Variants in LRBA observed in about 807,000 individuals in gnomAD.
LRBA encodes the protein LPS responsive beige-like anchor protein.
In LRBA, 176 loss-of-function variants were observed where a neutral mutation model predicts 330.0. The ratio of observed to expected loss-of-function variants is 0.53; its 90% CI spans 0.47 to 0.60. The LOEUF is 0.60. Ranked by LOEUF, LRBA falls within the 20% of genes least tolerant of loss-of-function variation. The pLI, the probability that LRBA is intolerant of heterozygous loss-of-function variation, is 0.00. For missense variants in LRBA, 3,259 were observed against 3,444.8 expected, an observed-to-expected ratio of 0.95 and a Z score of 1.35; for synonymous variants, 1,230 against 1,193.0, an observed-to-expected ratio of 1.03 and a Z score of -0.64.
At chr4:151,010,047 G>A (rs1243717690) in intron 2 of LRBA, among the ~76,000 whole-genome samples, 1 of 151,870 alleles carries the variant, frequency 6.6e-6, no homozygotes, top group African/African-American at 2.4e-5. Context: ...GTATACGGAA[G>A]ATACATGTAA....
At chr4:150,893,252 A>C in intron 16 of LRBA, 103 bp from the exon 17 acceptor site, 1 of 644,288 alleles carries the variant, frequency 1.6e-6, no homozygotes, top group East Asian at 2.7e-5. Context: ...AAATATAAGT[A>C]GACATATGTG....
intron 2 of LRBA, among the ~76,000 whole-genome samples, chr4:151,003,307 G>A (rs936256955): frequency 6.6e-6 from 1 of 150,592 alleles, no homozygotes; most frequent in East Asian, 2.0e-4. Context: ...TGAGGCAGAA[G>A]GATCGCTTGA....
At chr4:150,295,105 A>G (rs1211679709) in intron 53 of LRBA, among the ~76,000 whole-genome samples, 1 of 152,066 alleles carries the variant, frequency 6.6e-6, no homozygotes, top group Non-Finnish European at 1.5e-5. Context: ...AAATTCTGAT[A>G]CAACTACTAA....
At chr4:150,997,391 A>G (rs1742778366) in intron 2 of LRBA, among the ~76,000 whole-genome samples, 1 of 152,196 alleles carries the variant, frequency 6.6e-6, no homozygotes, top group African/African-American at 2.4e-5. Context: ...CATTTGACTC[A>G]CTCAAACTAT....
intron 2 of LRBA, among the ~76,000 whole-genome samples, chr4:150,997,512 TG>T (rs1742796038): frequency 6.6e-6 from 1 of 152,138 alleles, no homozygotes. Flanking sequence ...GCAGGTTACT[TG>T]TATTCAATCT....
intron 37 of LRBA, among the ~76,000 whole-genome samples, chr4:150,644,793 T>C (rs1179777342): frequency 1.3e-5 from 2 of 151,882 alleles, no homozygotes; most frequent in Non-Finnish European, 2.9e-5. Context: ...CCATCTGAAG[T>C]GGAATCTGCT....
At chr4:150,890,053 C>T (rs1729312532) in intron 17 of LRBA, among the ~76,000 whole-genome samples, 1 of 152,118 alleles carries the variant, frequency 6.6e-6, no homozygotes. Context: ...ACCTTATCTA[C>T]TACTACTGTA....
At chr4:150,464,455 T>C (rs1207315110) in intron 44 of LRBA, among the ~76,000 whole-genome samples, 1 of 152,132 alleles carries the variant, frequency 6.6e-6, no homozygotes, top group African/African-American at 2.4e-5. Flanking sequence ...GTCAAACTAA[T>C]ACAGTCCTCA....
chr4:150,354,354 A>G (rs745435873), intron 47 of LRBA, among the ~76,000 whole-genome samples: 5 of 152,018 alleles, frequency 3.3e-5, no homozygotes, highest in Non-Finnish European at 5.9e-5. Context: ...AGCCTTCAAA[A>G]CCGACAGTCC....
chr4:150,497,213 C>G (rs1017092477), intron 40 of LRBA, among the ~76,000 whole-genome samples: 5 of 152,060 alleles, frequency 3.3e-5, no homozygotes, highest in Non-Finnish European at 5.9e-5. Context: ...AGGTAGATAT[C>G]AAAGCATAGC....
In LRBA at chr4:150,601,495, GAAAT is replaced by G. The variant is rs1774103876; in HGVS notation, c.5922-2368_5922-2365del. Among the ~76,000 whole-genome samples, 5 of 151,966 alleles carry G rather than the reference GAAAT, an allele frequency of 3.3e-5. No individual in the cohort carries two copies. In the South Asian group the frequency reaches 1.0e-3, roughly 32 times the overall value. ...TAGCAAAAATAACCAAAATTAGGAG[GAAAT>G]AAAACGATAATATTTATTTTTATAC... On this transcript the variant is annotated intron_variant, in intron 37 of 56. Coordinates refer to ENST00000651943, the MANE Select transcript of LRBA (RefSeq NM_001364905.1).
chr4:150,347,271 G>A (rs748501099), intron 48 of LRBA, among the ~76,000 whole-genome samples: 4 of 152,180 alleles, frequency 2.6e-5, no homozygotes, highest in Admixed American at 6.5e-5. Context: ...TTGGGAAGAT[G>A]AAACATTTCT....
chr4:150,322,503 C>T (rs911729824), intron 49 of LRBA, among the ~76,000 whole-genome samples: 2 of 152,162 alleles, frequency 1.3e-5, no homozygotes, highest in African/African-American at 4.8e-5. Context: ...TATTTCAAAA[C>T]ACCAGGTAAT....
chr4:150,785,232 G>C (rs1045055776), intron 34 of LRBA, among the ~76,000 whole-genome samples: 2 of 152,108 alleles, frequency 1.3e-5, no homozygotes, highest in Admixed American at 1.3e-4. Flanking sequence ...GGGGGCGTGG[G>C]GACAGAACTG....
chr4:150,295,957 A>G (rs778953310), intron 53 of LRBA, among the ~76,000 whole-genome samples: 3 of 152,350 alleles, frequency 2.0e-5, no homozygotes, highest in Non-Finnish European at 4.4e-5. Context: ...CTGTAGCTGC[A>G]TATGAGTGTC....
intron 50 of LRBA, among the ~76,000 whole-genome samples, chr4:150,318,192 A>G (rs1731978890): frequency 6.6e-6 from 1 of 152,172 alleles, no homozygotes; most frequent in Non-Finnish European, 1.5e-5. Context: ...TGGATTCAGC[A>G]CTGTTCTTTT....
intron 2 of LRBA, among the ~76,000 whole-genome samples, chr4:151,012,054 G>A (rs953264774): frequency 1.3e-5 from 2 of 152,046 alleles, no homozygotes; most frequent in African/African-American, 4.8e-5. Flanking sequence ...CAATGGAAGG[G>A]GAGAAACTGC....
intron 41 of LRBA, among the ~76,000 whole-genome samples, chr4:150,489,046 A>G (rs934889279): frequency 4.5e-5 from 5 of 110,100 alleles, no homozygotes; most frequent in South Asian, 5.0e-4. Context: ...TATATAATAT[A>G]TTATATATAA....
At chr4:150,522,747 ATGTGG>A (rs1417358843) in intron 40 of LRBA, among the ~76,000 whole-genome samples, 1 of 152,218 alleles carries the variant, frequency 6.6e-6, no homozygotes, top group Non-Finnish European at 1.5e-5. Context: ...AGTAGCATCC[ATGTGG>A]TGCTAATTCT....
Sources: allele counts gnomAD v4.1 joint callset (sites outside exome capture counted in the v4.1 genomes callset), GRCh38; gene constraint gnomAD v4.1.1; transcripts MANE v1.5; gene names NCBI Gene and HGNC (gene_info 2026-07-23, HGNC 2026-07-21).